The following NPR3 variants were observed in gnomAD, a reference collection of about 807,000 sequenced individuals.
NPR3 encodes the protein atrial natriuretic peptide receptor 3.
A neutral mutation model predicts 54.5 loss-of-function variants in NPR3; 34 were observed. That is an observed-to-expected ratio of 0.62 (90% CI 0.47 to 0.83). The LOEUF is 0.83. NPR3 is among the 40% of genes least tolerant of loss of function. The pLI is 0.00. For missense variants in NPR3, 674 were observed against 720.8 expected (o/e 0.94, Z 0.74); for synonymous variants, 289 against 297.1 (o/e 0.97, Z 0.28).
chr5:32,729,319 G>A (rs1052469182), intron 2 of NPR3, among the ~76,000 whole-genome samples: 1 of 152,078 alleles, frequency 6.6e-6, no homozygotes, highest in Non-Finnish European at 1.5e-5. Flanking sequence ...GTGAGCCACC[G>A]AGCCCGGCCT....
rs911914924 is a variant in NPR3, at chr5:32,743,990, T to C, written c.1059+4960T>C. On this transcript the variant is annotated intron_variant, in intron 3 of 7. Coordinates refer to ENST00000265074, the MANE Select transcript of NPR3 (RefSeq NM_001204375.2). ...GAAATCTATTCCATTCTGATGCATT[T>C]TTTTTTTTTTTTTTTTTTTTTGAGA... Among the ~76,000 whole-genome samples the C allele has an allele frequency of 4.5e-3, 433 of 96,114 alleles. 12 individuals are homozygous for C. The highest frequency in any genetic ancestry group is 0.017 in the African/African-American group (410 of 24,766). The allele number at this position is 96,114 out of a possible 152,430, so 63.1% of individuals were successfully genotyped here. A position where few individuals can be genotyped will look rare whatever the true frequency, so the allele number is the denominator to read the frequency against.
upstream of NPR3, among the ~76,000 whole-genome samples, chr5:32,704,443 G>A (rs2111822532): frequency 6.6e-6 from 1 of 151,752 alleles, no homozygotes. Context: ...GACGACAACT[G>A]GTGGGGGCTT....
chr5:32,780,918 C>T (rs1190231808), intron 5 of NPR3, 102 bp downstream of exon 5: 2 of 623,370 alleles, frequency 3.2e-6, no homozygotes, highest in African/African-American at 3.8e-5. Flanking sequence ...AATGCAGCTT[C>T]CAAATAAAAA....
Position 32,791,626 on chromosome 5 carries a change from G to A in NPR3, c.*5281G>A, listed in dbSNP as rs1323934396. The A allele has an allele frequency of 6.0e-6, 1 of 166,906 alleles. No individual in the cohort carries two copies. The highest frequency in any genetic ancestry group is 1.5e-5 in the Non-Finnish European group (1 of 68,108). The allele number at this position is 166,906 out of a possible 1,614,324, so 10.3% of individuals were successfully genotyped here. A position where few individuals can be genotyped will look rare whatever the true frequency, so the allele number is the denominator to read the frequency against. On this transcript the variant is annotated 3_prime_UTR_variant, in exon 8 of 8. Transcript: ENST00000265074. The stretch of plus-strand genomic sequence containing the variant: ...CTTCATTTGATGTTTGGATATAAAT[G>A]TGTATGTGTCCTTGTAAATGTTTCT...
At chr5:32,695,469 GGT>G (rs1178132685) in intron 1 of NPR3, among the ~76,000 whole-genome samples, 4 of 151,938 alleles carry the variant, frequency 2.6e-5, no homozygotes, top group Admixed American at 2.0e-4. Flanking sequence ...GGAGTTTCAC[GGT>G]GTTAGTCAGG....
chr5:32,766,861 A>G (rs1234598641), intron 3 of NPR3, among the ~76,000 whole-genome samples: 1 of 152,232 alleles, frequency 6.6e-6, no homozygotes, highest in Non-Finnish European at 1.5e-5. Flanking sequence ...TTCACAACTT[A>G]GCAGAAATCC....
At chr5:32,729,014 G>T (rs61274231) in intron 2 of NPR3, among the ~76,000 whole-genome samples, 4,184 of 98,134 alleles carry the variant, frequency 0.043, 144 homozygotes, top group Non-Finnish European at 0.048. Flanking sequence ...GTGCCTGTGT[G>T]TTTTTTTTTT....
In NPR3 at chr5:32,712,488, G is replaced by A. The variant is rs767430720; in HGVS notation, c.712G>A (p.Glu238Lys). Reference sequence around the variant, plus strand: ...GCACACGTCCATCTACAGTTTCGACGAGACCAAAGACTTGGATCTGGAAGA... The same window carrying A: ...GCACACGTCCATCTACAGTTTCGACAAGACCAAAGACTTGGATCTGGAAGA... The part of the protein sequence containing the change: ...GLHTSIYSFD[E>K]TKDLDLEDIV... The change falls in exon 1 of 8, where the codon GAG (glutamate) becomes AAG (lysine). Residue 238 changes from glutamate to lysine, a missense_variant. Glu to Lys is a moderately conservative substitution (Grantham distance 56). Coordinates refer to ENST00000265074, the MANE Select transcript of NPR3 (RefSeq NM_001204375.2). The A allele has an allele frequency of 1.3e-6, 2 of 1,570,812 alleles. No homozygotes were observed. The highest frequency in any genetic ancestry group is 1.2e-5 in the South Asian group (1 of 85,634).
chr5:32,770,179 C>T (rs180958125), intron 3 of NPR3, among the ~76,000 whole-genome samples: 1 of 152,270 alleles, frequency 6.6e-6, no homozygotes, highest in Non-Finnish European at 1.5e-5. Flanking sequence ...TGCCTGTGAT[C>T]CCAGCACTTT....
chr5:32,791,277 T>C lies in NPR3; in HGVS notation c.*4932T>C, dbSNP rs1742895841. The C allele has an allele frequency of 6.0e-6, 1 of 167,076 alleles. No individual in the cohort carries two copies. Among genetic ancestry groups the C allele is most frequent in the African/African-American group, 2.4e-5 (1 of 41,460 alleles). 10.3% of individuals were successfully genotyped at this position (167,076 alleles called of 1,614,324 possible). Reference sequence around the variant, plus strand: ...TTTGTTCCCTGTGCATGGTGGATAATTGAAACCAAGAGGACATGGGATAGA... The same window carrying C: ...TTTGTTCCCTGTGCATGGTGGATAACTGAAACCAAGAGGACATGGGATAGA... On this transcript the variant is annotated 3_prime_UTR_variant, in exon 8 of 8. Coordinates refer to ENST00000265074, the MANE Select transcript of NPR3 (RefSeq NM_001204375.2).
chr5:32,732,356 C>T (rs1022184555), intron 2 of NPR3, among the ~76,000 whole-genome samples: 27 of 149,712 alleles, frequency 1.8e-4, no homozygotes, highest in Admixed American at 1.7e-3. Flanking sequence ...AGAGACAACA[C>T]AACAGGTAAA....
intron 5 of NPR3, among the ~76,000 whole-genome samples, chr5:32,781,099 C>A (rs1183442795): frequency 6.6e-6 from 1 of 152,068 alleles, no homozygotes; most frequent in Admixed American, 6.5e-5. Context: ...TTTATTTCCT[C>A]CCTTAAGATT....
At chr5:32,719,533 C>G (rs1738735221) in intron 1 of NPR3, among the ~76,000 whole-genome samples, 1 of 152,136 alleles carries the variant, frequency 6.6e-6, no homozygotes, top group South Asian at 2.1e-4. Flanking sequence ...GGATTCTGAA[C>G]TTATAGTTCA....
At chr5:32,775,294 ATT>A (rs3066363) in intron 4 of NPR3, among the ~76,000 whole-genome samples, 27,865 of 145,022 alleles carry the variant, frequency 0.19, 2,830 homozygotes, top group East Asian at 0.4. Flanking sequence ...AGGCCTCTGC[ATT>A]TTTTTTTTTT....
At chr5:32,722,226 TG>T (rs1292846295) in intron 1 of NPR3, among the ~76,000 whole-genome samples, 1 of 152,146 alleles carries the variant, frequency 6.6e-6, no homozygotes, top group African/African-American at 2.4e-5. Flanking sequence ...CCTTGGACCC[TG>T]GCTGTTTGGT....
At chr5:32,699,607 C>T (rs1230042620) in intron 1 of NPR3, among the ~76,000 whole-genome samples, 2 of 152,158 alleles carry the variant, frequency 1.3e-5, no homozygotes, top group Non-Finnish European at 2.9e-5. Context: ...TGCTTTTTAA[C>T]TTTTTGTCAC....
At chr5:32,770,196 C>T (rs1411297130) in intron 3 of NPR3, among the ~76,000 whole-genome samples, 1 of 152,046 alleles carries the variant, frequency 6.6e-6, no homozygotes, top group Non-Finnish European at 1.5e-5. Context: ...CTTTGGGAGG[C>T]TAAGGTGGGC....
At chr5:32,706,283 C>A (rs570092025), upstream of NPR3, among the ~76,000 whole-genome samples, 2 of 152,302 alleles carry the variant, frequency 1.3e-5, no homozygotes, top group East Asian at 3.9e-4. Context: ...TCCTGCAGAA[C>A]CATGAGCTAA....
At chr5:32,747,549 T>G (rs1740363413) in intron 3 of NPR3, among the ~76,000 whole-genome samples, 1 of 152,178 alleles carries the variant, frequency 6.6e-6, no homozygotes, top group African/African-American at 2.4e-5. Context: ...TAGTTCTTAC[T>G]GTTTCATTTT....
Sources: gnomAD v4.1 joint callset for allele counts (sites outside exome capture counted in the v4.1 genomes callset) on GRCh38, gnomAD v4.1.1 for gene constraint, MANE v1.5 for transcripts, NCBI Gene and HGNC (gene_info 2026-07-23, HGNC 2026-07-21) for gene names.